Variants in SEH1L observed in about 807,000 individuals in gnomAD.
SEH1L encodes the protein nucleoporin SEH1.
SEH1L carries 18 observed loss-of-function variants against 49.5 expected under a neutral mutation model. The observed-to-expected ratio is 0.36, with a 90% confidence interval of 0.25 to 0.54. The LOEUF (loss-of-function observed/expected upper bound fraction) is 0.54, where lower values mean the gene tolerates loss of function less well. SEH1L is among the 20% of genes least tolerant of loss of function. The probability of loss-of-function intolerance (pLI) is 0.87; values close to 1 mark genes in which losing one functional copy is unlikely to be tolerated. For synonymous variants in SEH1L, 169 were observed against 178.1 expected (o/e 0.95, Z 0.41); for missense variants, 404 against 528.8 (o/e 0.76, Z 2.31).
chr18:12,948,383 C>G lies in SEH1L; in HGVS notation c.111+151C>G. 4 of 562,328 alleles carry G rather than the reference C, an allele frequency of 7.1e-6. No individual in the cohort carries two copies. The South Asian group carries it at 8.9e-5, about 13-fold the overall frequency. 34.8% of individuals were successfully genotyped at this position (562,328 alleles called of 1,614,324 possible). On this transcript the variant is annotated intron_variant, in intron 1 of 8. Coordinates refer to ENST00000399892, the MANE Select transcript of SEH1L (RefSeq NM_001013437.2). ...GCCCTGGCTGGACTGAGCGGAAGCC[C>G]TCCCCGCCCGCGTATTGTGGGGTCA...
intron 3 of SEH1L, among the ~76,000 whole-genome samples, chr18:12,961,539 T>C (rs1235981704): frequency 1.3e-5 from 2 of 152,242 alleles, no homozygotes; most frequent in Admixed American, 1.3e-4. Flanking sequence ...TATTCAGTGG[T>C]GTCTGTAGAC....
chr18:12,951,162 C>G (rs1009767801), intron 1 of SEH1L, among the ~76,000 whole-genome samples: 1 of 152,202 alleles, frequency 6.6e-6, no homozygotes, highest in African/African-American at 2.4e-5. Flanking sequence ...TCAGGACAGA[C>G]GTTTCCCATT....
chr18:12,965,226 A>G (rs1388676516), intron 4 of SEH1L, among the ~76,000 whole-genome samples: 1 of 151,738 alleles, frequency 6.6e-6, no homozygotes, highest in Non-Finnish European at 1.5e-5. Context: ...ATTAGCCAGG[A>G]TGGTCTCGAT....
intron 3 of SEH1L, among the ~76,000 whole-genome samples, chr18:12,956,105 C>T (rs113310554): frequency 4.7e-5 from 7 of 150,402 alleles, no homozygotes; most frequent in African/African-American, 1.7e-4. Flanking sequence ...AGTGCAGTGG[C>T]ACAATCTTGG....
intron 6 of SEH1L, 142 bp from the exon 7 acceptor site, chr18:12,982,376 T>G (rs1224278432): frequency 1.8e-6 from 1 of 555,914 alleles, no homozygotes; most frequent in African/African-American, 1.9e-5. Flanking sequence ...TGGGCAGATG[T>G]GCACATTATT....
chr18:12,951,317 T>C (rs522801), intron 1 of SEH1L, among the ~76,000 whole-genome samples: 2 of 152,232 alleles, frequency 1.3e-5, no homozygotes, highest in Non-Finnish European at 2.9e-5. Context: ...TGTAACTAAT[T>C]GTCTCTGTTA....
intron 3 of SEH1L, among the ~76,000 whole-genome samples, chr18:12,960,950 G>C (rs974161861): frequency 1.1e-4 from 17 of 152,182 alleles, no homozygotes; most frequent in African/African-American, 4.1e-4. Context: ...TTTTACAGCA[G>C]AAATGAAGTA....
Position 12,971,157 on chromosome 18 carries a change from C to T in SEH1L, c.526C>T (p.Arg176Cys), listed in dbSNP as rs140302471. The T allele has an allele frequency of 1.6e-5, 26 of 1,610,174 alleles. No homozygotes were observed. The Admixed American group carries it at 1.7e-4, about 10-fold the overall frequency. ...SCISWNPSSS[R>C]AHSPMIAVGS... Reference sequence around the variant, plus strand: ...GTTCTTTCTCCCCGTTTCTAGCTCTCGTGCTCATTCCCCCATGATCGCCGT... The same window carrying T: ...GTTCTTTCTCCCCGTTTCTAGCTCTTGTGCTCATTCCCCCATGATCGCCGT... Residue 176 changes from arginine (R) to cysteine (C), a missense_variant, in exon 5 of 9, where the codon CGT becomes TGT. Coordinates refer to ENST00000399892, the MANE Select transcript of SEH1L (RefSeq NM_001013437.2).
chr18:12,960,391 T>C (rs116599794), intron 3 of SEH1L, among the ~76,000 whole-genome samples: 1,623 of 152,352 alleles, frequency 0.011, 29 homozygotes, highest in African/African-American at 0.037. Flanking sequence ...TTCTTTCCCC[T>C]GTTGAATGGT....
chr18:12,969,699 A>T (rs2031613191), intron 4 of SEH1L, among the ~76,000 whole-genome samples: 1 of 151,922 alleles, frequency 6.6e-6, no homozygotes, highest in Non-Finnish European at 1.5e-5. Context: ...AAAAAAAAAA[A>T]AAATCAAAAC....
At chr18:12,968,944 G>T (rs187253799) in intron 4 of SEH1L, among the ~76,000 whole-genome samples, 1 of 152,238 alleles carries the variant, frequency 6.6e-6, no homozygotes, top group Admixed American at 6.5e-5. Context: ...GCCAGGTGGG[G>T]TGGCTCACGT....
intron 1 of SEH1L, 129 bp downstream of exon 1, chr18:12,948,361 C>T (rs1248052171): frequency 1.5e-6 from 1 of 681,326 alleles, no homozygotes; most frequent in East Asian, 3.0e-5. Context: ...CGGGCGAGCC[C>T]TGGCTGGACT....
intron 3 of SEH1L, among the ~76,000 whole-genome samples, chr18:12,958,329 T>A (rs9965977): frequency 1.1e-4 from 17 of 151,384 alleles, no homozygotes; most frequent in Admixed American, 6.6e-5. Context: ...CAAATGATTC[T>A]CCTGCCTTGG....
chr18:12,984,064 G>A lies in SEH1L; in HGVS notation c.944G>A (p.Cys315Tyr). The A allele has an allele frequency of 6.2e-7, 1 of 1,613,612 alleles. No homozygotes were observed. Among genetic ancestry groups the A allele is most frequent in the Non-Finnish European group, 8.5e-7 (1 of 1,179,530 alleles). Residue 315 changes from cysteine (C) to tyrosine (Y), a missense_variant, in exon 8 of 9, where the codon TGT becomes TAT. Cys to Tyr is a radical substitution (Grantham distance 194, BLOSUM62 -2). Transcript: ENST00000399892. ...GCTAATTATATGGACAATTGGAAGT[G>A]TACTGGTATTTTGAAAGGTAATGGG... ...WKANYMDNWK[C>Y]TGILKGNGSP...
rs2032018958 is a variant in SEH1L at position 12,978,498 on chromosome 18, C to A, written c.621-254C>A. 4 of 358,120 alleles carry A rather than the reference C, an allele frequency of 1.1e-5. No homozygotes were observed. The South Asian group carries it at 2.9e-4, about 26-fold the overall frequency. 22.2% of individuals were successfully genotyped at this position (358,120 alleles called of 1,614,324 possible). A position where few individuals can be genotyped will look rare whatever the true frequency, so the allele number is the denominator to read the frequency against. Reference sequence around the variant, plus strand: ...TACTTACTGCACGTTGGATTTAGGACCCACCCTAAATCTCGGATGTCATTC... The same window carrying A: ...TACTTACTGCACGTTGGATTTAGGAACCACCCTAAATCTCGGATGTCATTC... On this transcript the variant is annotated intron_variant, in intron 5 of 8. Transcript: ENST00000399892.
chr18:12,974,983 T>G (rs1180903003), intron 5 of SEH1L, among the ~76,000 whole-genome samples: 1 of 148,762 alleles, frequency 6.7e-6, no homozygotes. Context: ...CCTTAATTAT[T>G]TTTATTTTTA....
At position 12,987,022 on chromosome 18, in the gene SEH1L, C is replaced by G; in HGVS notation, c.1231C>G (p.Pro411Ala). The G allele has an allele frequency of 6.2e-7, 1 of 1,611,984 alleles. No individual in the cohort carries two copies. Among genetic ancestry groups the G allele is most frequent in the South Asian group, 1.1e-5 (1 of 90,938 alleles). ...CCCTCGCAGACGATATCTCTCTCGG[C>G]CTCTTAATCCCTTACCTGAGAATGA... ...PHPRRRYLSR[P>A]LNPLPENEGI The change falls in exon 9 of 9, where the codon CCT (proline) becomes GCT (alanine). Residue 411 changes from proline to alanine, a missense_variant. Pro to Ala is a conservative substitution (Grantham distance 27, BLOSUM62 -1). Coordinates refer to ENST00000399892, the MANE Select transcript of SEH1L (RefSeq NM_001013437.2).
chr18:12,973,706 G>A (rs1298871219), intron 5 of SEH1L: 1 of 152,224 alleles, frequency 6.6e-6, no homozygotes, highest in East Asian at 1.9e-4. Flanking sequence ...AATCTAGACT[G>A]GGGGATTCCC....
intron 3 of SEH1L, among the ~76,000 whole-genome samples, chr18:12,956,717 A>G (rs2030884050): frequency 6.7e-6 from 1 of 149,104 alleles, no homozygotes; most frequent in Non-Finnish European, 1.5e-5. Context: ...TAAAAGAAAA[A>G]TCTAGCCAGA....
Sources: gnomAD v4.1 joint callset for allele counts (sites outside exome capture counted in the v4.1 genomes callset) on GRCh38, gnomAD v4.1.1 for gene constraint, MANE v1.5 for transcripts, NCBI Gene and HGNC (gene_info 2026-07-23, HGNC 2026-07-21) for gene names.